Variants in RELN observed in about 807,000 individuals in gnomAD.
RELN encodes reelin.
A neutral mutation model predicts 427.6 loss-of-function variants in RELN; 108 were observed. The observed-to-expected ratio is 0.25, with a 90% CI of 0.22 to 0.30. The LOEUF is 0.30. RELN is among the 10% of genes least tolerant of loss of function. The probability of loss-of-function intolerance (pLI) is 1.00; values close to 1 mark genes in which losing one functional copy is unlikely to be tolerated. For synonymous variants in RELN, 1,524 were observed against 1,513.4 expected (o/e 1.01, Z -0.16); for missense variants, 3,715 against 4,302.8 (o/e 0.86, Z 3.82).
At chr7:103,750,927 T>C (rs1027849895) in intron 5 of RELN, among the ~76,000 whole-genome samples, 3 of 152,224 alleles carry the variant, frequency 2.0e-5, no homozygotes, top group African/African-American at 4.8e-5. Flanking sequence ...GCATGTCAAG[T>C]GCAATATTTT....
At chr7:103,883,350 G>A (rs1794650374) in intron 2 of RELN, among the ~76,000 whole-genome samples, 1 of 152,228 alleles carries the variant, frequency 6.6e-6, no homozygotes, top group South Asian at 2.1e-4. Context: ...AAAGCTGGAA[G>A]CATTCCCTTT....
At chr7:103,821,643 C>T (rs1793017963) in intron 3 of RELN, among the ~76,000 whole-genome samples, 1 of 152,134 alleles carries the variant, frequency 6.6e-6, no homozygotes, top group Admixed American at 6.6e-5. Flanking sequence ...CAAATCTGAG[C>T]ATTAATGCCT....
At chr7:103,823,605 C>T (rs188745980) in intron 3 of RELN, among the ~76,000 whole-genome samples, 3 of 152,126 alleles carry the variant, frequency 2.0e-5, no homozygotes, top group Admixed American at 6.6e-5. Context: ...AAATTATACA[C>T]TAATGTTGCT....
At chr7:103,944,127 G>GA in intron 1 of RELN, among the ~76,000 whole-genome samples, 1 of 152,204 alleles carries the variant, frequency 6.6e-6, no homozygotes, top group East Asian at 1.9e-4. Context: ...GGCGAATGGA[G>GA]AAAAAACTGT....
At chr7:103,540,965 T>C (rs1428473044) in intron 43 of RELN, among the ~76,000 whole-genome samples, 6 of 151,756 alleles carry the variant, frequency 4.0e-5, no homozygotes, top group African/African-American at 1.4e-4. Flanking sequence ...GGGAGGCACA[T>C]TTAAATTCAC....
At chr7:103,643,484 G>A (rs1294381447) in intron 16 of RELN, among the ~76,000 whole-genome samples, 1 of 151,922 alleles carries the variant, frequency 6.6e-6, no homozygotes, top group East Asian at 1.9e-4. Context: ...GAATTTGTCA[G>A]CCTCCTTCTT....
intron 6 of RELN, among the ~76,000 whole-genome samples, chr7:103,734,321 T>A (rs1302664944): frequency 6.6e-6 from 1 of 151,956 alleles, no homozygotes; most frequent in African/African-American, 2.4e-5. Flanking sequence ...CAGAAATGAA[T>A]TGCTTCTCTG....
intron 2 of RELN, among the ~76,000 whole-genome samples, chr7:103,855,253 T>C (rs981872526): frequency 5.3e-5 from 8 of 152,172 alleles, no homozygotes; most frequent in African/African-American, 1.7e-4. Flanking sequence ...GGAAGAGTGA[T>C]GTGGCCGAAA....
intron 1 of RELN, among the ~76,000 whole-genome samples, chr7:103,986,857 C>G (rs1051528402): frequency 2.0e-5 from 3 of 151,798 alleles, no homozygotes; most frequent in African/African-American, 7.3e-5. Flanking sequence ...ATTTTGGTCA[C>G]ATATCAAAAT....
intron 20 of RELN, among the ~76,000 whole-genome samples, chr7:103,623,259 G>A (rs541398472): frequency 5.3e-5 from 8 of 152,284 alleles, no homozygotes; most frequent in African/African-American, 7.2e-5. Context: ...CATCTCACCC[G>A]GACTGACTTC....
At chr7:103,926,099 C>CTTTTTTTTTTTTTTTTTTTTTTT (rs55899563) in intron 1 of RELN, among the ~76,000 whole-genome samples, 1 of 90,074 alleles carries the variant, frequency 1.1e-5, no homozygotes, top group African/African-American at 4.4e-5. Flanking sequence ...CCCACCCCGC[C>CTTTTTTTTTTTTTTTTTTTTTTT]TTTTTTTTTT....
intron 2 of RELN, among the ~76,000 whole-genome samples, chr7:103,903,162 G>A (rs912023981): frequency 2.0e-5 from 3 of 151,818 alleles, no homozygotes; most frequent in Admixed American, 6.6e-5. Flanking sequence ...TCCCTGAAGC[G>A]TATACTTCAA....
Position 103,908,996 on chromosome 7 carries a change from C to T in RELN, c.337+8079G>A, listed in dbSNP as rs144918687. On this transcript the variant is annotated intron_variant, in intron 2 of 64. Coordinates refer to ENST00000428762, the MANE Select transcript of RELN (RefSeq NM_005045.4). ...AGTATGCTTAAATTGCATTTACTTC[C>T]GTGTTTCTTTGTAAAGAGGCAGACA... Among the ~76,000 whole-genome samples, 461 of 152,252 alleles carry T rather than the reference C, an allele frequency of 3.0e-3. 4 individuals are homozygous for T. The highest frequency in any genetic ancestry group is 0.01 in the African/African-American group (417 of 41,556).
chr7:103,862,460 TATCTATC>T (rs1794095824), intron 2 of RELN, among the ~76,000 whole-genome samples: 1 of 148,272 alleles, frequency 6.7e-6, no homozygotes, highest in Non-Finnish European at 1.5e-5. Context: ...TCTATCTATC[TATCTATC>T]TTCTCAATCT....
intron 8 of RELN, among the ~76,000 whole-genome samples, chr7:103,701,969 T>C (rs1185142586): frequency 6.6e-6 from 1 of 152,236 alleles, no homozygotes; most frequent in Non-Finnish European, 1.5e-5. Flanking sequence ...TTTATTTTAT[T>C]TCAGTGGTGT....
intron 28 of RELN, among the ~76,000 whole-genome samples, chr7:103,588,947 T>C (rs1356874627): frequency 1.6e-5 from 1 of 61,228 alleles, no homozygotes; most frequent in East Asian, 4.4e-4. Flanking sequence ...GTAAGGACTT[T>C]TAGAGTTATA....
chr7:103,720,095 T>C (rs568519), intron 8 of RELN, among the ~76,000 whole-genome samples: 20,482 of 151,618 alleles, frequency 0.14, 1,492 homozygotes, highest in Middle Eastern at 0.3. Context: ...GTATAATATA[T>C]ATAATTATAT....
chr7:103,771,238 C>G (rs550605374), intron 4 of RELN, among the ~76,000 whole-genome samples: 1 of 151,814 alleles, frequency 6.6e-6, no homozygotes, highest in African/African-American at 2.4e-5. Flanking sequence ...TCACCTTCTG[C>G]TTGTAAAACC....
chr7:103,512,642 A>G (rs1829455752), intron 50 of RELN: 2 of 152,086 alleles, frequency 1.3e-5, no homozygotes, highest in African/African-American at 4.8e-5. Flanking sequence ...TTCCTCCACA[A>G]CCCTCACAGT....
Sources: gnomAD v4.1 joint callset for allele counts (sites outside exome capture counted in the v4.1 genomes callset) on GRCh38, gnomAD v4.1.1 for gene constraint, MANE v1.5 for transcripts, NCBI Gene and HGNC (gene_info 2026-07-23, HGNC 2026-07-21) for gene names.